The following GRIP1 variants were observed in gnomAD, a reference collection of about 807,000 sequenced individuals.
The protein encoded by GRIP1 is glutamate receptor interacting protein 1, also known as glutamate receptor-interacting protein 1.
In GRIP1, 45 loss-of-function variants were observed where a neutral mutation model predicts 129.9. The ratio of observed to expected loss-of-function variants is 0.35; its 90% CI spans 0.27 to 0.44. The LOEUF (loss-of-function observed/expected upper bound fraction) is 0.44. Among genes scored for constraint, GRIP1 ranks in the 20% least tolerant of loss-of-function variants. The probability of loss-of-function intolerance (pLI) is 1.00; values close to 1 mark genes in which losing one functional copy is unlikely to be tolerated. For synonymous variants in GRIP1, 530 were observed against 520.8 expected (o/e 1.02, Z -0.24); for missense variants, 1,196 against 1,396.8 (o/e 0.86, Z 2.29).
chr12:66,350,678 C>T (rs1352728227), intron 24 of GRIP1, among the ~76,000 whole-genome samples: 2 of 152,134 alleles, frequency 1.3e-5, no homozygotes, highest in African/African-American at 4.8e-5. Context: ...CCACCAAATG[C>T]TTCCCAGACT....
intron 1 of GRIP1, chr12:66,647,286 T>A (rs1338352002): frequency 6.6e-6 from 1 of 152,236 alleles, no homozygotes; most frequent in African/African-American, 2.4e-5. Context: ...GTGACAATAA[T>A]ATACACATAA....
At chr12:66,416,070 TA>T (rs1184854219) in intron 15 of GRIP1, among the ~76,000 whole-genome samples, 4 of 151,580 alleles carry the variant, frequency 2.6e-5, no homozygotes, top group African/African-American at 9.7e-5. Context: ...CCCTGGAACT[TA>T]AAATAAAATT....
At chr12:66,621,897 G>A (rs917118524) in intron 1 of GRIP1, among the ~76,000 whole-genome samples, 13 of 151,850 alleles carry the variant, frequency 8.6e-5, no homozygotes, top group Admixed American at 2.6e-4. Context: ...ATCTTCTTTC[G>A]ACAAAGGTCT....
intron 1 of GRIP1, among the ~76,000 whole-genome samples, chr12:66,815,856 C>CTTTCTTTCTT (rs11458006): frequency 0.024 from 3,266 of 133,746 alleles, 42 homozygotes; most frequent in African/African-American, 0.028. Context: ...TTCTTTCTTT[C>CTTTCTTTCTT]TCTCTCTCTC....
chr12:66,966,842 C>T (rs1042254833), intron 1 of GRIP1, among the ~76,000 whole-genome samples: 2 of 152,066 alleles, frequency 1.3e-5, no homozygotes, highest in Non-Finnish European at 2.9e-5. Context: ...GAGTAACTAC[C>T]ATAAAGTCGC....
intron 1 of GRIP1, among the ~76,000 whole-genome samples, chr12:66,612,439 G>A (rs894946369): frequency 6.6e-6 from 1 of 152,084 alleles, no homozygotes; most frequent in Non-Finnish European, 1.5e-5. Flanking sequence ...TGGGAGGAAT[G>A]CTTGAGCCCA....
intron 23 of GRIP1, among the ~76,000 whole-genome samples, chr12:66,370,991 A>T (rs1440606168): frequency 6.6e-6 from 1 of 152,140 alleles, no homozygotes; most frequent in Admixed American, 6.5e-5. Context: ...ATGAAAGATT[A>T]AGCCTCCCTG....
At chr12:66,950,761 T>TG (rs2041744548) in intron 1 of GRIP1, among the ~76,000 whole-genome samples, 1 of 152,204 alleles carries the variant, frequency 6.6e-6, no homozygotes, top group Non-Finnish European at 1.5e-5. Context: ...ATATTCAATT[T>TG]TATTACATTT....
chr12:66,498,532 T>G (rs147735716), intron 7 of GRIP1, among the ~76,000 whole-genome samples: 1 of 152,214 alleles, frequency 6.6e-6, no homozygotes, highest in Admixed American at 6.5e-5. Flanking sequence ...AAATAGGGAT[T>G]CTTAAGTCTA....
At chr12:67,063,806 G>A (rs2043575900) in intron 1 of GRIP1, among the ~76,000 whole-genome samples, 1 of 152,170 alleles carries the variant, frequency 6.6e-6, no homozygotes, top group African/African-American at 2.4e-5. Flanking sequence ...ATCAGTTGCT[G>A]CAGAAGAAAG....
chr12:66,697,407 C>T (rs943616068), intron 1 of GRIP1, among the ~76,000 whole-genome samples: 1 of 152,156 alleles, frequency 6.6e-6, no homozygotes, highest in African/African-American at 2.4e-5. Context: ...TTATTATGAG[C>T]TTCTTGCAGA....
intron 1 of GRIP1, among the ~76,000 whole-genome samples, chr12:66,618,925 G>A (rs537078794): frequency 9.2e-5 from 14 of 152,160 alleles, no homozygotes; most frequent in African/African-American, 1.2e-4. Context: ...TTTATTTATC[G>A]TAGGTTTTGA....
At chr12:66,468,252 G>A (rs2059341644) in intron 7 of GRIP1, among the ~76,000 whole-genome samples, 1 of 152,220 alleles carries the variant, frequency 6.6e-6, no homozygotes, top group Non-Finnish European at 1.5e-5. Flanking sequence ...CTGGTGGAAT[G>A]TGGGCTCAGA....
chr12:66,507,647 A>C (rs1652215665), intron 7 of GRIP1, among the ~76,000 whole-genome samples: 2 of 152,202 alleles, frequency 1.3e-5, no homozygotes, highest in Non-Finnish European at 2.9e-5. Context: ...TCTTGATAAA[A>C]AGGAATTATT....
chr12:66,664,789 T>G (rs1008063477), intron 1 of GRIP1, among the ~76,000 whole-genome samples: 10 of 152,170 alleles, frequency 6.6e-5, no homozygotes, highest in Non-Finnish European at 1.0e-4. Flanking sequence ...TGGTAGCTAT[T>G]GTTATTAGTA....
chr12:67,065,754 T>C (rs183846288), intron 1 of GRIP1, among the ~76,000 whole-genome samples: 190 of 152,302 alleles, frequency 1.2e-3, no homozygotes, highest in Middle Eastern at 6.8e-3. Flanking sequence ...AAGAAAAGCA[T>C]CATTAATTAC....
chr12:66,379,161 A>G (rs2055973544), intron 20 of GRIP1, 119 bp downstream of exon 20: 1 of 1,118,512 alleles, frequency 8.9e-7, no homozygotes, highest in Non-Finnish European at 1.4e-6. Flanking sequence ...ATGGATGATT[A>G]TGGTGGCTTT....
chr12:66,410,669 AC>A (rs1374451032), intron 15 of GRIP1, among the ~76,000 whole-genome samples: 15 of 48,078 alleles, frequency 3.1e-4, no homozygotes, highest in African/African-American at 4.5e-4. Flanking sequence ...AAACAAACAA[AC>A]AGACAAACAA....
chr12:66,417,871 T>A (rs1949191286), intron 15 of GRIP1, among the ~76,000 whole-genome samples: 1 of 152,098 alleles, frequency 6.6e-6, no homozygotes, highest in South Asian at 2.1e-4. Flanking sequence ...CCCAGAGCAA[T>A]CTACATATTC....
Sources: allele counts gnomAD v4.1 joint callset (sites outside exome capture counted in the v4.1 genomes callset), GRCh38; gene constraint gnomAD v4.1.1; transcripts MANE v1.5; gene names NCBI Gene and HGNC (gene_info 2026-07-23, HGNC 2026-07-21).